JADE1: variants seen among roughly 807,000 people sequenced by gnomAD.
JADE1 encodes jade family PHD finger 1.
Under a neutral mutation model 81.8 loss-of-function variants are expected in JADE1, and 14 were observed. That is an observed-to-expected ratio of 0.17 (90% CI 0.11 to 0.27). JADE1 has a LOEUF of 0.27. JADE1 is among the 10% of genes least tolerant of loss of function. JADE1 has a pLI of 1.00. For synonymous variants in JADE1, 353 were observed against 391.9 expected, an observed-to-expected ratio of 0.90 and a Z score of 1.17; for missense variants, 690 against 1,047.9, an observed-to-expected ratio of 0.66 and a Z score of 4.71.
At chr4:128,826,137 C>G (rs1406242942) in intron 1 of JADE1, among the ~76,000 whole-genome samples, 1 of 152,172 alleles carries the variant, frequency 6.6e-6, no homozygotes, top group African/African-American at 2.4e-5. Context: ...GTGGACACTC[C>G]AGGCTCCGAT....
chr4:128,858,090 C>CGT (rs373424523), intron 8 of JADE1, among the ~76,000 whole-genome samples: 37 of 151,104 alleles, frequency 2.4e-4, no homozygotes, highest in South Asian at 4.2e-4. Flanking sequence ...CGCGCATGCA[C>CGT]GTGTGTGTGT....
chr4:128,825,320 G>C (rs1247870133), intron 1 of JADE1, among the ~76,000 whole-genome samples: 1 of 152,146 alleles, frequency 6.6e-6, no homozygotes, highest in Non-Finnish European at 1.5e-5. Flanking sequence ...GATTACAGGC[G>C]TGAGCCACTG....
intron 2 of JADE1, among the ~76,000 whole-genome samples, chr4:128,839,416 C>T (rs2125842449): frequency 6.6e-6 from 1 of 152,264 alleles, no homozygotes; most frequent in East Asian, 1.9e-4. Flanking sequence ...GATGGTATCT[C>T]AGTGATAAAT....
At chr4:128,828,363 T>C (rs942858178) in intron 1 of JADE1, among the ~76,000 whole-genome samples, 1 of 152,152 alleles carries the variant, frequency 6.6e-6, no homozygotes, top group Admixed American at 6.6e-5. Flanking sequence ...ACAACCACTG[T>C]ATTGTGTAGC....
At chr4:128,863,152 C>A (rs1241483962) in intron 9 of JADE1, 8 of 985,430 alleles carry the variant, frequency 8.1e-6, no homozygotes, top group African/African-American at 5.2e-5. Flanking sequence ...CTTTCCATCA[C>A]CTCTGGAGTC....
chr4:128,868,136 G>T (rs1366422537), intron 10 of JADE1, among the ~76,000 whole-genome samples, 163 bp downstream of exon 10: 8 of 152,168 alleles, frequency 5.3e-5, no homozygotes, highest in Non-Finnish European at 1.2e-4. Flanking sequence ...TCATGTTTAA[G>T]GGAAAAAGCT....
chr4:128,863,834 C>T, intron 9 of JADE1: 1 of 985,432 alleles, frequency 1.0e-6, no homozygotes, highest in Non-Finnish European at 1.2e-6. Flanking sequence ...GCTATGGAGT[C>T]AGATAGTTGT....
chr4:128,814,869 A>G (rs1431798862), intron 1 of JADE1, among the ~76,000 whole-genome samples: 1 of 149,470 alleles, frequency 6.7e-6, no homozygotes, highest in African/African-American at 2.5e-5. Context: ...AGCTCTGAGG[A>G]CCTTTTTTTT....
intron 2 of JADE1, among the ~76,000 whole-genome samples, chr4:128,834,327 G>A (rs1455621183): frequency 6.6e-6 from 1 of 152,074 alleles, no homozygotes. Flanking sequence ...CCTTTCCTTT[G>A]CACAGGCATC....
At position 128,862,059 on chromosome 4, in the gene JADE1, T is replaced by C; in HGVS notation, c.1337T>C (p.Val446Ala). The change falls in exon 9 of 11, where the codon GTA (valine) becomes GCA (alanine). Residue 446 changes from valine to alanine, a missense_variant. Physicochemically the swap from Val to Ala is moderately conservative, Grantham distance 64 (BLOSUM62 0). Coordinates refer to ENST00000226319, the MANE Select transcript of JADE1 (RefSeq NM_199320.4). ...VARALRLPEE[V>A]VDFLYQYWKL... ...AGGGCTCTGCGGCTGCCTGAGGAAG[T>C]AGTGGATTTCCTGTACCAGTACTGG... 6.2e-7 allele frequency: 1 copy of C among 1,614,100 alleles called. No individual in the cohort carries two copies. The highest frequency in any genetic ancestry group is 8.5e-7 in the Non-Finnish European group (1 of 1,180,020).
chr4:128,842,702 C>T (rs1370331460), intron 2 of JADE1, among the ~76,000 whole-genome samples: 1 of 152,234 alleles, frequency 6.6e-6, no homozygotes, highest in Non-Finnish European at 1.5e-5. Flanking sequence ...AAAGTCCTCT[C>T]TTCTGTTGGG....
chr4:128,811,653 G>A (rs1219026302), intron 1 of JADE1, among the ~76,000 whole-genome samples: 1 of 146,570 alleles, frequency 6.8e-6, no homozygotes, highest in Non-Finnish European at 1.5e-5. Context: ...GGGTTGCGGG[G>A]GCGGGGACGC....
chr4:128,840,128 C>A (rs929499509), intron 2 of JADE1, among the ~76,000 whole-genome samples: 1 of 152,116 alleles, frequency 6.6e-6, no homozygotes, highest in African/African-American at 2.4e-5. Flanking sequence ...CAGCAATTTT[C>A]AGGATTTATG....
intron 3 of JADE1, 25 bp downstream of exon 3, chr4:128,843,063 C>A (rs41279281): frequency 6.3e-7 from 1 of 1,585,440 alleles, no homozygotes; most frequent in Non-Finnish European, 8.7e-7. Flanking sequence ...CTTGCCTGAC[C>A]GTGCATGAAT....
chr4:128,812,602 C>T (rs2125779648), intron 1 of JADE1, among the ~76,000 whole-genome samples: 1 of 152,346 alleles, frequency 6.6e-6, no homozygotes, highest in South Asian at 2.1e-4. Flanking sequence ...CCGCTGGCCC[C>T]AGGTTTCCCA....
chr4:128,848,694 T>G (rs1381935581), intron 4 of JADE1, among the ~76,000 whole-genome samples: 1 of 152,218 alleles, frequency 6.6e-6, no homozygotes, highest in Non-Finnish European at 1.5e-5. Context: ...TGTTTTGGTG[T>G]TGGCTGCAGG....
chr4:128,862,270 T>C, intron 9 of JADE1, 45 bp downstream of exon 9: 1 of 1,611,106 alleles, frequency 6.2e-7, no homozygotes, highest in South Asian at 1.1e-5. Context: ...GAGAAGAAGA[T>C]GCAAAGAGGC....
intron 1 of JADE1, among the ~76,000 whole-genome samples, chr4:128,817,544 T>A (rs948031257): frequency 2.0e-5 from 3 of 152,232 alleles, no homozygotes; most frequent in Non-Finnish European, 2.9e-5. Context: ...GAAATAGCAA[T>A]GTTATTAGCA....
At chr4:128,852,919 CTT>C (rs59763506) in intron 6 of JADE1, among the ~76,000 whole-genome samples, 21 of 140,532 alleles carry the variant, frequency 1.5e-4, no homozygotes, top group Admixed American at 1.4e-4. Flanking sequence ...TGGTGGTCTT[CTT>C]TTTTTTTTTT....
Sources: gnomAD v4.1 joint callset for allele counts (sites outside exome capture counted in the v4.1 genomes callset) on GRCh38, gnomAD v4.1.1 for gene constraint, MANE v1.5 for transcripts, NCBI Gene and HGNC (gene_info 2026-07-23, HGNC 2026-07-21) for gene names.